WDR59: variants seen among roughly 807,000 people sequenced by gnomAD.
WDR59 encodes the protein GATOR2 complex protein WDR59.
A neutral mutation model predicts 131.2 loss-of-function variants in WDR59; 100 were observed. The observed-to-expected ratio is 0.76, with a 90% confidence interval of 0.65 to 0.90. WDR59 has a LOEUF of 0.90. Among genes scored for constraint, WDR59 ranks in the 40% least tolerant of loss-of-function variants. WDR59 has a pLI of 0.00. For missense variants in WDR59, 1,203 were observed against 1,262.2 expected (o/e 0.95, Z 0.71); for synonymous variants, 601 against 466.2 (o/e 1.29, Z -3.72).
rs1567689047 is a variant in WDR59 at position 74,887,724 on chromosome 16, C to T, written c.2378G>A (p.Ser793Asn). The T allele has an allele frequency of 1.2e-6, 2 of 1,614,134 alleles. No individual in the cohort carries two copies. The highest frequency in any genetic ancestry group is 1.1e-5 in the South Asian group (1 of 91,082). ...PSFTSSGSCSSMSDPGLNTGG... is the reference protein window; with the variant it reads ...PSFTSSGSCSNMSDPGLNTGG... ...AGTGTTGAGCCCTGGGTCTGACATA[C>T]TGGAGCAGGAACCAGAAGAGGTAAA... The change falls in exon 23 of 26, where the codon AGT becomes AAT. Residue 793 changes from serine (S) to asparagine (N), a missense_variant. Coordinates refer to ENST00000262144, the MANE Select transcript of WDR59 (RefSeq NM_030581.4).
intron 2 of WDR59, 115 bp from the exon 3 acceptor site, chr16:74,956,725 A>C: frequency 1.6e-6 from 2 of 1,282,586 alleles, no homozygotes; most frequent in Non-Finnish European, 2.2e-6. Context: ...AAAAAACCCA[A>C]ACACACATGG....
In WDR59 at chr16:74,962,175, T is replaced by G. The variant is rs113047002; in HGVS notation, c.104+3598A>C. ...TGTCTGCTTTGTGCCAATACCATGC[T>G]GTTTTGGTTACTGTAGCCTTGTAGG... On this transcript the variant is annotated intron_variant, in intron 2 of 25. Coordinates refer to ENST00000262144, the MANE Select transcript of WDR59 (RefSeq NM_030581.4). 6.6e-3 allele frequency among the ~76,000 whole-genome samples: 1,007 copies of G among 152,324 alleles called. 17 individuals are homozygous for G. The highest frequency in any genetic ancestry group is 0.023 in the African/African-American group (951 of 41,580).
Position 74,923,944 on chromosome 16 carries a change from G to C in WDR59, c.711C>G (p.Val237=), listed in dbSNP as rs748043809. 1 of 1,613,626 alleles carries C rather than the reference G, an allele frequency of 6.2e-7. No individual in the cohort carries two copies. Among genetic ancestry groups the C allele is most frequent in the Non-Finnish European group, 8.5e-7 (1 of 1,179,948 alleles). ...CACTCACTGTGTATCTGGCCTTCCA[G>C]ACAGGCACCTGGCAAGGAAGAATAT... The part of the protein sequence containing the change: ...YLNILPCQVP[V]WKARYTPFSN... Residue 237 remains valine, a synonymous_variant, in exon 9 of 26, where the codon GTC becomes GTG. Transcript: ENST00000262144.
At chr16:74,949,623 G>C in intron 5 of WDR59, 95 bp downstream of exon 5, 1 of 1,046,312 alleles carries the variant, frequency 9.6e-7, no homozygotes, top group Non-Finnish European at 1.4e-6. Flanking sequence ...CTCGAGGTCT[G>C]TATCGAGGGG....
At chr16:74,977,634 G>A (rs905993520) in intron 1 of WDR59, among the ~76,000 whole-genome samples, 1 of 152,188 alleles carries the variant, frequency 6.6e-6, no homozygotes, top group Admixed American at 6.5e-5. Context: ...CTTGCAGTGA[G>A]CTGAGATCGT....
intron 1 of WDR59, among the ~76,000 whole-genome samples, chr16:74,979,612 C>A (rs1414147456): frequency 1.3e-5 from 2 of 151,728 alleles, no homozygotes; most frequent in African/African-American, 4.8e-5. Context: ...ACGATCTAGG[C>A]TCACTGCAAC....
chr16:74,911,386 C>A (rs1451548333), intron 14 of WDR59, among the ~76,000 whole-genome samples: 1 of 152,186 alleles, frequency 6.6e-6, no homozygotes, highest in Non-Finnish European at 1.5e-5. Flanking sequence ...CAAGGTGGAA[C>A]AATCAAGTGT....
chr16:74,975,607 T>C (rs2034149409), intron 1 of WDR59, among the ~76,000 whole-genome samples: 1 of 149,152 alleles, frequency 6.7e-6, no homozygotes, highest in Non-Finnish European at 1.5e-5. Flanking sequence ...GAGGATGCAC[T>C]GAGCCGAGAT....
intron 1 of WDR59, chr16:74,984,656 G>A (rs2034553700): frequency 5.4e-6 from 2 of 373,294 alleles, no homozygotes; most frequent in East Asian, 4.6e-5. Context: ...CCCTCGCTCC[G>A]TACCCTGATT....
At chr16:74,946,452 T>C (rs2032644230) in intron 6 of WDR59, among the ~76,000 whole-genome samples, 1 of 152,106 alleles carries the variant, frequency 6.6e-6, no homozygotes, top group Admixed American at 6.5e-5. Context: ...CCGGGTGTGG[T>C]GGCTCCCGCC....
At chr16:74,964,594 C>T (rs1336523689) in intron 2 of WDR59, among the ~76,000 whole-genome samples, 4 of 151,970 alleles carry the variant, frequency 2.6e-5, no homozygotes, top group Admixed American at 1.3e-4. Context: ...TAAATTAAAA[C>T]ATAATTTCAA....
chr16:74,972,821 T>TAAAAAAAAAAA (rs57885889), intron 1 of WDR59, among the ~76,000 whole-genome samples: 4 of 55,044 alleles, frequency 7.3e-5, no homozygotes, highest in Non-Finnish European at 1.5e-4. Context: ...GACTCTGTCT[T>TAAAAAAAAAAA]AAAAAAAAAA....
intron 3 of WDR59, among the ~76,000 whole-genome samples, chr16:74,953,914 A>C (rs1040557105): frequency 4.0e-5 from 6 of 151,782 alleles, no homozygotes; most frequent in Non-Finnish European, 1.5e-5. Context: ...AGGCAGGAGA[A>C]TGGCGTGAAC....
At chr16:74,952,761 T>C (rs986135871) in intron 3 of WDR59, among the ~76,000 whole-genome samples, 12 of 150,034 alleles carry the variant, frequency 8.0e-5, no homozygotes, top group African/African-American at 2.7e-4. Context: ...TTAATAATTT[T>C]TTAAATTATA....
chr16:74,925,886 G>T (rs965496776), intron 8 of WDR59, among the ~76,000 whole-genome samples: 3 of 151,816 alleles, frequency 2.0e-5, no homozygotes, highest in Admixed American at 6.6e-5. Context: ...TTGGGAGGCT[G>T]AAGTGGGAGG....
At chr16:74,905,463 C>T (rs527714753) in intron 17 of WDR59, among the ~76,000 whole-genome samples, 26 of 151,622 alleles carry the variant, frequency 1.7e-4, no homozygotes, top group African/African-American at 5.3e-4. Flanking sequence ...AGGCAGATCA[C>T]GAGGTCAGGA....
chr16:74,958,666 A>C (rs1410318473), intron 2 of WDR59, among the ~76,000 whole-genome samples: 1 of 150,092 alleles, frequency 6.7e-6, no homozygotes, highest in Non-Finnish European at 1.5e-5. Flanking sequence ...ATGAGTGTGA[A>C]GCAAGTTGCT....
At chr16:74,953,615 CA>C (rs2033126008) in intron 3 of WDR59, among the ~76,000 whole-genome samples, 1 of 152,094 alleles carries the variant, frequency 6.6e-6, no homozygotes, top group Non-Finnish European at 1.5e-5. Flanking sequence ...AAAACATTTG[CA>C]AATCATACAT....
intron 17 of WDR59, 68 bp downstream of exon 17, chr16:74,908,840 C>A: frequency 7.3e-7 from 1 of 1,367,358 alleles, no homozygotes; most frequent in South Asian, 1.2e-5. Context: ...ACTCAGTGGT[C>A]CTTCCCAGGT....
Sources: allele counts gnomAD v4.1 joint callset (sites outside exome capture counted in the v4.1 genomes callset), GRCh38; gene constraint gnomAD v4.1.1; transcripts MANE v1.5; gene names NCBI Gene and HGNC (gene_info 2026-07-23, HGNC 2026-07-21).